TMEM117: variants seen among roughly 807,000 people sequenced by gnomAD.
The protein encoded by TMEM117 is transmembrane protein 117.
Under a neutral mutation model 52.4 loss-of-function variants are expected in TMEM117, and 27 were observed. That is an observed-to-expected ratio of 0.51 (90% CI 0.38 to 0.71). TMEM117 has a LOEUF of 0.71. TMEM117 is among the 30% of genes least tolerant of loss of function. TMEM117 has a pLI of 0.00. For missense variants in TMEM117, 556 were observed against 630.5 expected, an observed-to-expected ratio of 0.88 and a Z score of 1.26; for synonymous variants, 215 against 206.3, an observed-to-expected ratio of 1.04 and a Z score of -0.36.
In TMEM117 at chr12:43,852,379, C is replaced by T. The variant is rs141766205; in HGVS notation, c.277+7451C>T. Among the ~76,000 whole-genome samples, 113 of 152,072 alleles carry T rather than the reference C, an allele frequency of 7.4e-4. 1 individual carries two copies. Among genetic ancestry groups the T allele is most frequent in the African/African-American group, 2.6e-3 (106 of 41,450 alleles). ...CCGGGAGGCAGAGCTTTCAGTGAGC[C>T]GAGATCACGCCACTGCACTCCAACC... On this transcript the variant is annotated intron_variant, in intron 2 of 7. Transcript: ENST00000266534.
At chr12:43,906,882 C>T (rs1476543600) in intron 2 of TMEM117, among the ~76,000 whole-genome samples, 1 of 152,228 alleles carries the variant, frequency 6.6e-6, no homozygotes, top group Non-Finnish European at 1.5e-5. Context: ...GCACAGCAGT[C>T]TGAGATCAAA....
intron 3 of TMEM117, among the ~76,000 whole-genome samples, chr12:44,048,326 TTTTG>T (rs948505391): frequency 6.6e-6 from 1 of 151,454 alleles, no homozygotes; most frequent in South Asian, 2.1e-4. Context: ...CCTTTCTAAG[TTTTG>T]TTTGTTTTCT....
At chr12:44,188,497 G>C (rs1283456695) in intron 4 of TMEM117, among the ~76,000 whole-genome samples, 1 of 152,148 alleles carries the variant, frequency 6.6e-6, no homozygotes, top group Admixed American at 6.6e-5. Context: ...GGAGGTTCTT[G>C]TCAGGTACCA....
At chr12:44,299,788 C>G in intron 6 of TMEM117, 49 bp downstream of exon 6, 1 of 1,601,020 alleles carries the variant, frequency 6.2e-7, no homozygotes, top group Non-Finnish European at 8.5e-7. Flanking sequence ...GCTCTGTTCC[C>G]AGTATAACAA....
chr12:44,158,542 A>G (rs969219270), intron 4 of TMEM117, among the ~76,000 whole-genome samples: 2 of 152,184 alleles, frequency 1.3e-5, no homozygotes, highest in African/African-American at 4.8e-5. Context: ...AAGACTCCAC[A>G]CAAAATTATA....
At chr12:44,228,417 GT>G (rs1592623854) in intron 5 of TMEM117, among the ~76,000 whole-genome samples, 2 of 152,130 alleles carry the variant, frequency 1.3e-5, no homozygotes, top group African/African-American at 4.8e-5. Context: ...ACTATTTGAG[GT>G]ATCGAACATA....
At chr12:44,166,927 G>T (rs1206754256) in intron 4 of TMEM117, among the ~76,000 whole-genome samples, 3 of 152,158 alleles carry the variant, frequency 2.0e-5, no homozygotes, top group African/African-American at 4.8e-5. Context: ...CACTAGTATT[G>T]TATGTAGCTC....
At chr12:43,796,955 A>G in the TMEM117 span, 1,605 of 1,604,128 alleles carry the variant, frequency 1.0e-3, 30 homozygotes, top group East Asian at 0.031. Context: ...AAAACTGAAG[A>G]TTTTAAAATA....
At chr12:44,391,123 G>T (rs183527344), downstream of TMEM117, among the ~76,000 whole-genome samples, 1 of 152,216 alleles carries the variant, frequency 6.6e-6, no homozygotes, top group East Asian at 1.9e-4. Flanking sequence ...TATTTCTACT[G>T]TTCAGTAATT....
intron 4 of TMEM117, among the ~76,000 whole-genome samples, chr12:44,152,331 AT>A (rs1434378211): frequency 1.6e-4 from 18 of 111,926 alleles, no homozygotes; most frequent in Non-Finnish European, 2.8e-4. Context: ...ATAAATATAT[AT>A]ATTATATATA....
chr12:43,957,642 C>G (rs961502678), intron 3 of TMEM117, among the ~76,000 whole-genome samples: 2 of 152,180 alleles, frequency 1.3e-5, no homozygotes, highest in Admixed American at 1.3e-4. Context: ...AAGTTCAGGT[C>G]AAAATCTTTA....
chr12:44,136,785 A>G (rs1035318030), intron 3 of TMEM117, among the ~76,000 whole-genome samples: 2 of 152,104 alleles, frequency 1.3e-5, no homozygotes, highest in Non-Finnish European at 2.9e-5. Flanking sequence ...AGTCAAAGAT[A>G]TGTTCTTTAT....
At chr12:44,120,369 A>G (rs1009552934) in intron 3 of TMEM117, among the ~76,000 whole-genome samples, 1 of 152,170 alleles carries the variant, frequency 6.6e-6, no homozygotes. Context: ...CCTGCATTAT[A>G]TACTCATAGC....
At chr12:44,263,534 C>T (rs958152615) in intron 5 of TMEM117, 10 of 152,228 alleles carry the variant, frequency 6.6e-5, no homozygotes, top group Non-Finnish European at 1.5e-4. Context: ...CATAAAGACA[C>T]AAGCACATGT....
intron 3 of TMEM117, among the ~76,000 whole-genome samples, chr12:44,055,918 A>G (rs931385657): frequency 1.3e-5 from 2 of 152,088 alleles, no homozygotes; most frequent in African/African-American, 2.4e-5. Context: ...AAACTGTTAC[A>G]CTTTCAGCTT....
At chr12:43,941,607 A>G (rs2137608426) in intron 2 of TMEM117, among the ~76,000 whole-genome samples, 1 of 152,328 alleles carries the variant, frequency 6.6e-6, no homozygotes, top group South Asian at 2.1e-4. Context: ...TGTTTCTAAC[A>G]TTCGAGGGTT....
At chr12:43,814,156 T>C in the TMEM117 span, among the ~76,000 whole-genome samples, 2 of 152,098 alleles carry the variant, frequency 1.3e-5, no homozygotes, top group Non-Finnish European at 2.9e-5. Flanking sequence ...GTAAGCTGAA[T>C]TGCACTTTGA....
At chr12:43,882,587 G>A (rs1163994047) in intron 2 of TMEM117, among the ~76,000 whole-genome samples, 4 of 151,872 alleles carry the variant, frequency 2.6e-5, no homozygotes, top group African/African-American at 9.7e-5. Flanking sequence ...ACTACTTTCT[G>A]TTGTCTCACA....
intron 2 of TMEM117, among the ~76,000 whole-genome samples, chr12:43,925,709 TA>T (rs1944767981): frequency 6.6e-6 from 1 of 152,104 alleles, no homozygotes. Flanking sequence ...GAAAAAATGT[TA>T]CCTTTTCTAC....
Sources: allele counts gnomAD v4.1 joint callset (sites outside exome capture counted in the v4.1 genomes callset), GRCh38; gene constraint gnomAD v4.1.1; transcripts MANE v1.5; gene names NCBI Gene and HGNC (gene_info 2026-07-23, HGNC 2026-07-21).